Variants in ZNF814 observed in about 807,000 individuals in gnomAD.
The protein encoded by ZNF814 is zinc finger protein 814.
In ZNF814, 5 loss-of-function variants were observed where a neutral mutation model predicts 7.5. The observed-to-expected ratio is 0.67, with a 90% CI of 0.35 to 1.40. The LOEUF (loss-of-function observed/expected upper bound fraction) is 1.40. ZNF814 is among the 40% of genes most tolerant of loss of function. ZNF814 has a pLI of 0.04. For missense variants in ZNF814, 962 were observed against 1,018.0 expected (o/e 0.94, Z 0.75); for synonymous variants, 315 against 340.7 (o/e 0.92, Z 0.83).
rs143382487 is a variant in ZNF814, at chr19:57,883,012, G to A, written c.36+5755C>T. ...TTGAGGAATTTCTCAAGACAAACAC[G>A]GAGAAAGAATTCAGAATTCTATCAG... On this transcript the variant is annotated intron_variant, in intron 1 of 2. Transcript: ENST00000435989. Among the ~76,000 whole-genome samples the A allele has an allele frequency of 3.8e-3, 574 of 152,212 alleles. 2 individuals carry two copies. Among genetic ancestry groups the A allele is most frequent in the Non-Finnish European group, 6.4e-3 (432 of 68,006 alleles).
chr19:57,884,949 C>T (rs2071677362), intron 1 of ZNF814, among the ~76,000 whole-genome samples: 1 of 152,178 alleles, frequency 6.6e-6, no homozygotes, highest in South Asian at 2.1e-4. Flanking sequence ...GATATCTGCA[C>T]TCCCATGTTT....
chr19:57,879,760 G>A (rs2071636932), intron 1 of ZNF814, among the ~76,000 whole-genome samples: 1 of 143,922 alleles, frequency 6.9e-6, no homozygotes, highest in Non-Finnish European at 1.5e-5. Context: ...GCTCATCTCA[G>A]CTGATACAGC....
rs1038128915 is a variant in ZNF814 at position 57,871,890 on chromosome 19, G to A, written c.*932C>T. On this transcript the variant is annotated 3_prime_UTR_variant, in exon 3 of 3. Transcript: ENST00000435989. ...GTTTGGAGGCCAAGGTGGAAGGATC[G>A]CTTGAGCCAGGAGTTTAAGACCAGC... Among the ~76,000 whole-genome samples the A allele has an allele frequency of 6.6e-5, 10 of 150,798 alleles. No individual in the cohort carries two copies. The highest frequency in any genetic ancestry group is 1.9e-4 in the East Asian group (1 of 5,142).
intron 1 of ZNF814, among the ~76,000 whole-genome samples, chr19:57,880,034 T>C (rs1413206492): frequency 1.7e-5 from 2 of 116,012 alleles, no homozygotes; most frequent in African/African-American, 7.1e-5. Context: ...GAGGCAGAGG[T>C]TGCAGTGAGC....
rs1267999796 is a variant in ZNF814 at position 57,877,384 on chromosome 19, A to C, written c.37-342T>G. On this transcript the variant is annotated intron_variant, in intron 1 of 2. Transcript: ENST00000435989. Reference sequence around the variant, plus strand: ...CCAGGTACATTCCATGTCCATCCCCAGGTGACTGCCACACACCACTGGCCT... The same window carrying C: ...CCAGGTACATTCCATGTCCATCCCCCGGTGACTGCCACACACCACTGGCCT... Among the ~76,000 whole-genome samples, 3 of 152,270 alleles carry C rather than the reference A, an allele frequency of 2.0e-5. No homozygotes were observed. The East Asian group carries it at 5.8e-4, about 29-fold the overall frequency.
At chr19:57,905,044 T>A in the ZNF814 span, among the ~76,000 whole-genome samples, 1 of 88,996 alleles carries the variant, frequency 1.1e-5, no homozygotes. Flanking sequence ...TGAAACTCCG[T>A]CTCAAAAAAA....
the ZNF814 span, among the ~76,000 whole-genome samples, chr19:57,902,576 T>C: frequency 1.4e-5 from 2 of 140,982 alleles, no homozygotes; most frequent in African/African-American, 5.2e-5. Flanking sequence ...AATATAAATA[T>C]GTTCTCTCTT....
At chr19:57,887,078 A>T (rs1175243989) in intron 1 of ZNF814, among the ~76,000 whole-genome samples, 5 of 151,238 alleles carry the variant, frequency 3.3e-5, no homozygotes, top group Admixed American at 2.6e-4. Flanking sequence ...AATCCCAGCT[A>T]CTGGGAGGCT....
rs1484867161 is a variant in ZNF814 at position 57,872,982 on chromosome 19, C to T, written c.2408G>A (p.Ser803Asn). 6.2e-7 allele frequency: 1 copy of T among 1,613,360 alleles called. No individual in the cohort carries two copies. Among genetic ancestry groups the T allele is most frequent in the African/African-American group, 1.3e-5 (1 of 74,730 alleles). The stretch of plus-strand genomic sequence containing the variant: ...TTCAGCAAAAGATTTTCCACATTCA[C>T]TGCACTCATAAGGCTTTTCTCCAGT... ...VHTGEKPYECSECGKSFAESS... is the reference protein window; with the variant it reads ...VHTGEKPYECNECGKSFAESS... The change falls in exon 3 of 3, where the codon AGT (serine) becomes AAT (asparagine). Residue 803 changes from serine (S) to asparagine (N), a missense_variant. Transcript: ENST00000435989.
chr19:57,899,375 C>T, the ZNF814 span, among the ~76,000 whole-genome samples: 1 of 152,204 alleles, frequency 6.6e-6, no homozygotes, highest in African/African-American at 2.4e-5. Context: ...GTAACTGCTG[C>T]AGGACTAATC....
chr19:57,875,657 CT>C (rs2071600282), intron 2 of ZNF814, among the ~76,000 whole-genome samples: 1 of 152,108 alleles, frequency 6.6e-6, no homozygotes, highest in South Asian at 2.1e-4. Context: ...GGAGAGAACA[CT>C]GTAGATGGTG....
the ZNF814 span, among the ~76,000 whole-genome samples, chr19:57,903,000 A>G: frequency 4.4e-3 from 675 of 152,094 alleles, 6 homozygotes; most frequent in Middle Eastern, 0.014. Flanking sequence ...TCTTTACATA[A>G]ATACCCGTTT....
At position 57,869,702 on chromosome 19, in the gene ZNF814, T is replaced by C. The variant is rs996003826; in HGVS notation, c.*3120A>G. 7 of 152,120 alleles carry C rather than the reference T, an allele frequency of 4.6e-5. No individual in the cohort carries two copies. Among genetic ancestry groups the C allele is most frequent in the African/African-American group, 1.7e-4 (7 of 41,418 alleles). 9.4% of individuals were successfully genotyped at this position (152,120 alleles called of 1,614,324 possible). A position where few individuals can be genotyped will look rare whatever the true frequency, so the allele number is the denominator to read the frequency against. ...GCTCACACCTGTATTCCCACCACTC[T>C]GGGAGGCTGAGGCAGGCATATCACC... On this transcript the variant is annotated 3_prime_UTR_variant, in exon 3 of 3. Transcript: ENST00000435989.
At chr19:57,883,019 G>A (rs781654748) in intron 1 of ZNF814, among the ~76,000 whole-genome samples, 18 of 152,198 alleles carry the variant, frequency 1.2e-4, no homozygotes, top group Non-Finnish European at 2.5e-4. Context: ...CACGGAGAAA[G>A]AATTCAGAAT....
chr19:57,902,429 CATT>C, the ZNF814 span, among the ~76,000 whole-genome samples: 2 of 152,264 alleles, frequency 1.3e-5, no homozygotes, highest in Admixed American at 1.3e-4. Context: ...GCCCTGGTGG[CATT>C]ATCACCCCTA....
chr19:57,883,753 A>G (rs1417394253), intron 1 of ZNF814, among the ~76,000 whole-genome samples: 1 of 151,932 alleles, frequency 6.6e-6, no homozygotes, highest in African/African-American at 2.4e-5. Context: ...GAAGTGGGCA[A>G]AGATTTCTTT....
chr19:57,889,758 G>A (rs2071723781), upstream of ZNF814, among the ~76,000 whole-genome samples: 1 of 152,070 alleles, frequency 6.6e-6, no homozygotes, highest in African/African-American at 2.4e-5. Context: ...CAGCTACTGG[G>A]GAGGCCGAGG....
Position 57,871,914 on chromosome 19 carries a change from G to C in ZNF814, c.*908C>G, listed in dbSNP as rs2122412983. Among the ~76,000 whole-genome samples, 1 of 151,652 alleles carries C rather than the reference G, an allele frequency of 6.6e-6. No homozygotes were observed. Among genetic ancestry groups the C allele is most frequent in the East Asian group, 1.9e-4 (1 of 5,158 alleles). On this transcript the variant is annotated 3_prime_UTR_variant, in exon 3 of 3. Coordinates refer to ENST00000435989, the MANE Select transcript of ZNF814 (RefSeq NM_001144989.2). ...CGCTTGAGCCAGGAGTTTAAGACCA[G>C]CCTGGGCAACATGGTGAGACCCTGT...
intron 1 of ZNF814, among the ~76,000 whole-genome samples, chr19:57,877,291 A>G (rs1284757815): frequency 6.6e-6 from 1 of 152,122 alleles, no homozygotes; most frequent in Non-Finnish European, 1.5e-5. Context: ...AAGGTCATGG[A>G]AAGCCCAATG....
Sources: allele counts gnomAD v4.1 joint callset (sites outside exome capture counted in the v4.1 genomes callset), GRCh38; gene constraint gnomAD v4.1.1; transcripts MANE v1.5; gene names NCBI Gene and HGNC (gene_info 2026-07-23, HGNC 2026-07-21).